MEGF11: variants seen among roughly 807,000 people sequenced by gnomAD.
MEGF11 encodes multiple EGF like domains 11, also known as multiple epidermal growth factor-like domains protein 11.
In MEGF11, 126 loss-of-function variants were observed where a neutral mutation model predicts 146.6. The ratio of observed to expected loss-of-function variants is 0.86; its 90% confidence interval spans 0.74 to 1.00. The LOEUF (loss-of-function observed/expected upper bound fraction) is 1.00. Ranked by LOEUF, MEGF11 falls within the 50% of genes least tolerant of loss-of-function variation. The probability of loss-of-function intolerance (pLI) is 0.00; values close to 1 mark genes in which losing one functional copy is unlikely to be tolerated. For synonymous variants in MEGF11, 532 were observed against 583.4 expected, an observed-to-expected ratio of 0.91 and a Z score of 1.27; for missense variants, 1,509 against 1,521.2, an observed-to-expected ratio of 0.99 and a Z score of 0.13.
chr15:66,211,151 G>A (rs1473482686), intron 1 of MEGF11, among the ~76,000 whole-genome samples: 1 of 152,138 alleles, frequency 6.6e-6, no homozygotes, highest in Non-Finnish European at 1.5e-5. Context: ...CCATTCCCCT[G>A]GAGGTATCAC....
chr15:66,026,002 C>T (rs1255475273), intron 5 of MEGF11, among the ~76,000 whole-genome samples: 7 of 152,210 alleles, frequency 4.6e-5, no homozygotes, highest in Non-Finnish European at 2.9e-5. Context: ...CTAGTGGCTC[C>T]TCACCTTAGC....
chr15:66,233,945 C>CTTTTTCTTTTTTTTTTTTTTTTT (rs2092029897), intron 1 of MEGF11, among the ~76,000 whole-genome samples: 1 of 108,514 alleles, frequency 9.2e-6, no homozygotes, highest in Non-Finnish European at 1.8e-5. Context: ...TTTTTTTTTT[C>CTTTTTCTTTTTTTTTTTTTTTTT]TTTTTCTTTT....
chr15:66,011,720 CTATTATTAT>C (rs55863629), intron 5 of MEGF11, among the ~76,000 whole-genome samples: 10 of 149,420 alleles, frequency 6.7e-5, no homozygotes, highest in South Asian at 4.3e-4. Context: ...GGGAATTTAG[CTATTATTAT>C]TATTATTATT....
At chr15:66,172,014 G>A (rs902995919) in intron 1 of MEGF11, among the ~76,000 whole-genome samples, 1 of 152,198 alleles carries the variant, frequency 6.6e-6, no homozygotes, top group Non-Finnish European at 1.5e-5. Context: ...GATTGGTAAA[G>A]CCCCGGCTTT....
chr15:66,251,642 A>C (rs2092371983), intron 1 of MEGF11, among the ~76,000 whole-genome samples: 1 of 152,214 alleles, frequency 6.6e-6, no homozygotes, highest in South Asian at 2.1e-4. Context: ...CAGTGGCCTA[A>C]CTGGGAACAC....
intron 5 of MEGF11, among the ~76,000 whole-genome samples, chr15:66,070,477 G>A (rs756194911): frequency 1.3e-5 from 2 of 152,194 alleles, no homozygotes; most frequent in African/African-American, 2.4e-5. Flanking sequence ...TAAGCCTTAC[G>A]GGATCACCAA....
chr15:66,007,570 A>G (rs2082556864), intron 5 of MEGF11, among the ~76,000 whole-genome samples: 1 of 152,130 alleles, frequency 6.6e-6, no homozygotes. Flanking sequence ...GGAAACATGG[A>G]AAAACCTTAT....
intron 1 of MEGF11, among the ~76,000 whole-genome samples, chr15:66,149,329 G>A (rs2089480711): frequency 6.6e-6 from 1 of 152,162 alleles, no homozygotes; most frequent in Non-Finnish European, 1.5e-5. Context: ...CCTTCCTTGT[G>A]GCCTTGACCG....
At chr15:66,230,327 T>A (rs118088610) in intron 1 of MEGF11, among the ~76,000 whole-genome samples, 1,553 of 152,268 alleles carry the variant, frequency 0.01, 9 homozygotes, top group Middle Eastern at 0.024. Flanking sequence ...ACCTTCTGTC[T>A]TACCTCCCCC....
chr15:66,088,087 A>C (rs2086181807), intron 5 of MEGF11, among the ~76,000 whole-genome samples: 1 of 152,258 alleles, frequency 6.6e-6, no homozygotes, highest in Non-Finnish European at 1.5e-5. Context: ...AGCGACGGAT[A>C]AATTCCTGGA....
chr15:65,968,296 G>GCACA (rs1327328027), intron 8 of MEGF11, among the ~76,000 whole-genome samples: 2 of 152,190 alleles, frequency 1.3e-5, no homozygotes, highest in African/African-American at 4.8e-5. Flanking sequence ...GCCTGCAAAT[G>GCACA]GATTTCTCCA....
At chr15:65,995,045 A>C (rs191255290) in intron 5 of MEGF11, among the ~76,000 whole-genome samples, 1 of 152,324 alleles carries the variant, frequency 6.6e-6, no homozygotes, top group African/African-American at 2.4e-5. Context: ...GAAGGGGTTA[A>C]TCTACCTAGG....
chr15:66,108,161 G>C (rs190232126), intron 4 of MEGF11, among the ~76,000 whole-genome samples: 2 of 152,256 alleles, frequency 1.3e-5, no homozygotes, highest in South Asian at 4.1e-4. Flanking sequence ...CAGCAGTGAG[G>C]TAACGGGACG....
intron 5 of MEGF11, among the ~76,000 whole-genome samples, chr15:66,039,078 G>A (rs1289496287): frequency 6.6e-6 from 1 of 152,178 alleles, no homozygotes; most frequent in Non-Finnish European, 1.5e-5. Flanking sequence ...CCCTACCAAA[G>A]GAGAAATGAA....
At chr15:66,067,846 A>G (rs1482275687) in intron 5 of MEGF11, among the ~76,000 whole-genome samples, 5 of 152,220 alleles carry the variant, frequency 3.3e-5, no homozygotes, top group Non-Finnish European at 7.3e-5. Context: ...TTTGCATGAT[A>G]AAGAGACAGC....
rs2078394145 is a variant in MEGF11, at chr15:65,898,067, C to A, written c.3290G>T (p.Gly1097Val). 6.2e-7 allele frequency: 1 copy of A among 1,613,694 alleles called. No homozygotes were observed. The highest frequency in any genetic ancestry group is 8.5e-7 in the Non-Finnish European group (1 of 1,179,788). Residue 1097 changes from glycine (G) to valine (V), a missense_variant, in exon 26 of 26, where the codon GGT (glycine) becomes GTT (valine). Gly to Val is a moderately radical substitution (Grantham distance 109). Transcript: ENST00000395614. ...VEPTVSVVQE[G>V]CGHNSSYIQN... ...GATATAGCTGGAGTTATGACCGCAA[C>A]CTTCTTGGACCACACTGACTGTGGG...
intron 1 of MEGF11, among the ~76,000 whole-genome samples, chr15:66,240,999 G>T (rs1312693562): frequency 6.6e-6 from 1 of 152,178 alleles, no homozygotes; most frequent in African/African-American, 2.4e-5. Context: ...CCAAAGATGG[G>T]TATACAGACG....
chr15:66,093,952 C>A (rs768292213), intron 5 of MEGF11, among the ~76,000 whole-genome samples: 18 of 152,194 alleles, frequency 1.2e-4, no homozygotes, highest in Admixed American at 8.5e-4. Context: ...ACAGAGACAT[C>A]CCAAATGTCC....
intron 1 of MEGF11, among the ~76,000 whole-genome samples, chr15:66,193,337 A>G (rs1413354941): frequency 6.6e-6 from 1 of 152,176 alleles, no homozygotes; most frequent in Non-Finnish European, 1.5e-5. Flanking sequence ...TTTCGACTTC[A>G]TTCATTGATT....
Sources: allele counts gnomAD v4.1 joint callset (sites outside exome capture counted in the v4.1 genomes callset), GRCh38; gene constraint gnomAD v4.1.1; transcripts MANE v1.5; gene names NCBI Gene and HGNC (gene_info 2026-07-23, HGNC 2026-07-21).